The following WLS variants were observed in gnomAD, a reference collection of about 807,000 sequenced individuals.
WLS encodes the protein Wnt ligand secretion mediator, also known as protein wntless homolog.
Under a neutral mutation model 62.8 loss-of-function variants are expected in WLS, and 23 were observed. That is an observed-to-expected ratio of 0.37 (90% CI 0.26 to 0.52). The LOEUF is 0.52. Among genes scored for constraint, WLS ranks in the 20% least tolerant of loss-of-function variants. The pLI is 0.92. For synonymous variants in WLS, 246 were observed against 244.1 expected (o/e 1.01, Z -0.07); for missense variants, 615 against 697.3 (o/e 0.88, Z 1.33).
intron 2 of WLS, among the ~76,000 whole-genome samples, chr1:68,165,252 C>A (rs1026768661): frequency 5.9e-5 from 9 of 152,292 alleles, no homozygotes; most frequent in African/African-American, 2.2e-4. Flanking sequence ...GCCTTAGACA[C>A]AGGCAAGAGG....
intron 11 of WLS, among the ~76,000 whole-genome samples, chr1:68,135,677 T>A (rs1312406590): frequency 1.3e-5 from 2 of 152,180 alleles, no homozygotes; most frequent in Non-Finnish European, 2.9e-5. Flanking sequence ...AAGTGGTATT[T>A]CTCTGGAAGG....
chr1:68,204,498 G>A (rs908951724), intron 1 of WLS, among the ~76,000 whole-genome samples: 6 of 151,898 alleles, frequency 4.0e-5, no homozygotes, highest in African/African-American at 9.7e-5. Context: ...TAGTAGAGAC[G>A]GGGCTTCACC....
chr1:68,179,214 A>G (rs17130549), intron 2 of WLS, among the ~76,000 whole-genome samples: 3 of 152,214 alleles, frequency 2.0e-5, no homozygotes, highest in African/African-American at 7.2e-5. Flanking sequence ...TCATCTATTT[A>G]CAAAACCAAA....
At chr1:68,134,642 C>T (rs1200635919) in intron 11 of WLS, among the ~76,000 whole-genome samples, 3 of 152,196 alleles carry the variant, frequency 2.0e-5, no homozygotes, top group Non-Finnish European at 1.5e-5. Context: ...ATGCCAAAGG[C>T]ATGTCCCAGT....
At chr1:68,101,067 T>C (rs1370104344) in intron 11 of WLS, among the ~76,000 whole-genome samples, 1 of 152,202 alleles carries the variant, frequency 6.6e-6, no homozygotes, top group Non-Finnish European at 1.5e-5. Flanking sequence ...CTGCTTTTGG[T>C]GTCTGCTGGA....
intron 2 of WLS, among the ~76,000 whole-genome samples, chr1:68,172,814 A>G (rs1647174560): frequency 1.3e-5 from 2 of 152,196 alleles, no homozygotes; most frequent in African/African-American, 4.8e-5. Flanking sequence ...ACAAAATAGC[A>G]GGGAAAGCAA....
rs191975332 is a variant in WLS, at chr1:68,228,440, T to C, written c.106+3754A>G. Among the ~76,000 whole-genome samples, 211 of 152,258 alleles carry C rather than the reference T, an allele frequency of 1.4e-3. 1 individual carries two copies. Among genetic ancestry groups the C allele is most frequent in the Non-Finnish European group, 2.4e-3 (161 of 68,020 alleles). On this transcript the variant is annotated intron_variant, in intron 1 of 11. Transcript: ENST00000262348. ...TCATGATTTTTAGTCTGCACTCTCT[T>C]TTCAGGGTACATGGTCTCCTTCCCT...
intron 11 of WLS, among the ~76,000 whole-genome samples, chr1:68,131,357 A>T (rs914129653): frequency 6.6e-6 from 1 of 152,138 alleles, no homozygotes; most frequent in Non-Finnish European, 1.5e-5. Flanking sequence ...GCATATCGGC[A>T]CTGGTGTTCT....
At chr1:68,125,023 C>T (rs980908582), downstream of WLS, among the ~76,000 whole-genome samples, 3 of 152,210 alleles carry the variant, frequency 2.0e-5, no homozygotes, top group African/African-American at 7.2e-5. Flanking sequence ...AGACCTTCAA[C>T]AGGAAACAGT....
At chr1:68,122,782 G>T (rs1394133015), downstream of WLS, among the ~76,000 whole-genome samples, 1 of 152,100 alleles carries the variant, frequency 6.6e-6, no homozygotes, top group African/African-American at 2.4e-5. Flanking sequence ...CATCCAACCT[G>T]CATTCTTGAA....
At chr1:68,125,302 C>T (rs568949897), downstream of WLS, 8 of 983,018 alleles carry the variant, frequency 8.1e-6, no homozygotes, top group Admixed American at 6.1e-5. Flanking sequence ...AAACCTATTT[C>T]CCCCATCAAC....
chr1:68,155,334 A>G, intron 3 of WLS, 74 bp from the exon 4 acceptor site: 1 of 1,509,990 alleles, frequency 6.6e-7, no homozygotes, highest in Non-Finnish European at 8.9e-7. Flanking sequence ...GTTACCCTGG[A>G]TCCATAACAT....
At chr1:68,163,150 G>C (rs1570927241) in intron 2 of WLS, 1 of 1,147,184 alleles carries the variant, frequency 8.7e-7, no homozygotes, top group Non-Finnish European at 1.3e-6. Context: ...AAGAACTTAG[G>C]GGAACTCGCA....
At chr1:68,202,313 G>C (rs1012475620) in intron 1 of WLS, 2 of 152,296 alleles carry the variant, frequency 1.3e-5, no homozygotes, top group African/African-American at 4.8e-5. Flanking sequence ...CCTGCCAGAG[G>C]TTTAGCTCAT....
intron 11 of WLS, among the ~76,000 whole-genome samples, chr1:68,110,747 GTATATA>G: frequency 6.7e-6 from 1 of 149,722 alleles, no homozygotes; most frequent in South Asian, 2.1e-4. Flanking sequence ...ATATATGTGT[GTATATA>G]TATATATATT....
At chr1:68,196,315 G>A (rs1169946113) in intron 1 of WLS, among the ~76,000 whole-genome samples, 1 of 151,878 alleles carries the variant, frequency 6.6e-6, no homozygotes, top group African/African-American at 2.4e-5. Context: ...GGTCCTACTA[G>A]TATATTTTAA....
At chr1:68,168,547 A>C (rs1647096909) in intron 2 of WLS, among the ~76,000 whole-genome samples, 2 of 152,222 alleles carry the variant, frequency 1.3e-5, no homozygotes, top group Non-Finnish European at 2.9e-5. Context: ...TAAAAGGGGA[A>C]AAAGGAGAGG....
At chr1:68,216,183 T>C (rs1306640567) in intron 1 of WLS, among the ~76,000 whole-genome samples, 3 of 152,244 alleles carry the variant, frequency 2.0e-5, no homozygotes, top group Admixed American at 6.5e-5. Context: ...TTTTTCTTGT[T>C]CTTCAACTTG....
chr1:68,190,138 AGCGGTTCT>A (rs1418372923), intron 2 of WLS, among the ~76,000 whole-genome samples: 46 of 152,376 alleles, frequency 3.0e-4, no homozygotes, highest in African/African-American at 1.0e-3. Flanking sequence ...ACTGGCTAAG[AGCGGTTCT>A]GTAACTTCCC....
Sources: gnomAD v4.1 joint callset for allele counts (sites outside exome capture counted in the v4.1 genomes callset) on GRCh38, gnomAD v4.1.1 for gene constraint, MANE v1.5 for transcripts, NCBI Gene and HGNC (gene_info 2026-07-23, HGNC 2026-07-21) for gene names.